Variants in TRPM3 observed in about 807,000 individuals in gnomAD.
TRPM3 encodes the protein transient receptor potential cation channel subfamily M member 3, also known as long transient receptor potential channel 3.
Under a neutral mutation model 181.2 loss-of-function variants are expected in TRPM3, and 77 were observed. The ratio of observed to expected loss-of-function variants is 0.42; its 90% CI spans 0.35 to 0.51. The LOEUF is 0.51. Among genes scored for constraint, TRPM3 ranks in the 20% least tolerant of loss-of-function variants. The pLI is 0.01. For synonymous variants in TRPM3, 745 were observed against 796.4 expected, an observed-to-expected ratio of 0.94 and a Z score of 1.09; for missense variants, 1,759 against 2,196.7, an observed-to-expected ratio of 0.80 and a Z score of 3.98.
intron 9 of TRPM3, among the ~76,000 whole-genome samples, chr9:70,669,395 A>T (rs1412583078): frequency 6.6e-6 from 1 of 152,222 alleles, no homozygotes; most frequent in East Asian, 1.9e-4. Flanking sequence ...ACTTAAGTCT[A>T]CATGTTACAG....
chr9:71,277,718 CT>C (rs2084335833), intron 1 of TRPM3, among the ~76,000 whole-genome samples: 1 of 152,148 alleles, frequency 6.6e-6, no homozygotes. Context: ...TTTGACTCTT[CT>C]CATGGCAATA....
chr9:70,536,389 G>A lies in TRPM3; in HGVS notation c.4724C>T (p.Ala1575Val), dbSNP rs778006412. The change falls in exon 26 of 26, where the codon GCG becomes GTG. Residue 1575 changes from alanine (A) to valine (V), a missense_variant. By Grantham distance (64) the Ala-to-Val change is moderately conservative. Around this residue, in one of 8 missense-constraint regions of TRPM3, gnomAD observed 612 missense variants for 590.0 expected, o/e 1.04. Coordinates refer to ENST00000677713, the MANE Select transcript of TRPM3 (RefSeq NM_001366145.2). ...TRCVNAPQAI[A>V]DRAAFPGGLG... is the part of the protein sequence containing the mutation. ...ACCTCCAGGGAAGGCAGCTCTGTCC[G>A]CAATTGCTTGAGGGGCATTGACACA... 6.8e-6 allele frequency: 11 copies of A among 1,614,072 alleles called. No individual in the cohort carries two copies. Among genetic ancestry groups the A allele is most frequent in the South Asian group, 3.3e-5 (3 of 91,078 alleles).
chr9:70,946,433 GTAATAATAATAA>G lies in TRPM3; in HGVS notation c.178-81934_178-81923del, dbSNP rs55711193. Reference sequence around the variant, plus strand: ...AATCAGTTTCCTCCTCTGTTAAATGGTAATAATAATAATAATAATAATAATAATAACAGCAGC... The same window carrying G: ...AATCAGTTTCCTCCTCTGTTAAATGGTAATAATAATAATAATAACAGCAGC... On this transcript the variant is annotated intron_variant, in intron 1 of 25. Coordinates refer to ENST00000677713, the MANE Select transcript of TRPM3 (RefSeq NM_001366145.2). Among the ~76,000 whole-genome samples, 72 of 144,690 alleles carry G rather than the reference GTAATAATAATAA, an allele frequency of 5.0e-4. 2 individuals are homozygous for G. In the South Asian group the frequency reaches 0.013, roughly 25 times the overall value. The allele number at this position is 144,690 out of a possible 152,430, so 94.9% of individuals were successfully genotyped here.
chr9:70,787,672 T>A (rs1211396276), intron 6 of TRPM3, among the ~76,000 whole-genome samples: 1 of 151,888 alleles, frequency 6.6e-6, no homozygotes, highest in Non-Finnish European at 1.5e-5. Flanking sequence ...GTGAATTTTA[T>A]GAAAGCTAGG....
chr9:70,826,232 T>C (rs2093550314), intron 6 of TRPM3: 1 of 152,180 alleles, frequency 6.6e-6, no homozygotes, highest in African/African-American at 2.4e-5. Flanking sequence ...ATTTGCCCAT[T>C]CTATCAAGTA....
chr9:70,656,628 A>G (rs866696835), intron 9 of TRPM3, among the ~76,000 whole-genome samples: 2 of 152,230 alleles, frequency 1.3e-5, no homozygotes, highest in South Asian at 2.1e-4. Context: ...ATTTTCATAA[A>G]TAATCTAGGT....
intron 9 of TRPM3, among the ~76,000 whole-genome samples, chr9:70,676,500 G>A (rs2064041610): frequency 6.6e-6 from 1 of 152,196 alleles, no homozygotes; most frequent in Non-Finnish European, 1.5e-5. Flanking sequence ...GCTGCTGAGA[G>A]AGCAGACTGA....
At chr9:71,310,130 A>C (rs1272251275) in intron 1 of TRPM3, among the ~76,000 whole-genome samples, 1 of 152,154 alleles carries the variant, frequency 6.6e-6, no homozygotes, top group Admixed American at 6.5e-5. Flanking sequence ...GAAACAAGTC[A>C]AAAGCACAGG....
At chr9:70,921,720 G>T (rs944465197) in intron 1 of TRPM3, among the ~76,000 whole-genome samples, 1 of 151,996 alleles carries the variant, frequency 6.6e-6, no homozygotes, top group Admixed American at 6.6e-5. Flanking sequence ...TCTCTCTCTG[G>T]TTCTTTTCTG....
At position 70,641,463 on chromosome 9, in the gene TRPM3, T is replaced by C. The variant is rs148003155; in HGVS notation, c.1346-803A>G. ...TCTGAAAAAGAGTTAGGAAGGTCTT[T>C]TAACAGAGAGGCAAACCAGCGGCTT... is the stretch of plus-strand genomic sequence containing the variant. On this transcript the variant is annotated intron_variant, in intron 9 of 25. Coordinates refer to ENST00000677713, the MANE Select transcript of TRPM3 (RefSeq NM_001366145.2). Among the ~76,000 whole-genome samples the C allele has an allele frequency of 4.1e-3, 632 of 152,290 alleles. 5 individuals are homozygous for C. The highest frequency in any genetic ancestry group is 0.015 in the African/African-American group (603 of 41,554).
At chr9:71,378,558 A>T (rs1178321966) in intron 1 of TRPM3, among the ~76,000 whole-genome samples, 1 of 152,080 alleles carries the variant, frequency 6.6e-6, no homozygotes, top group Non-Finnish European at 1.5e-5. Context: ...ACACCTAATA[A>T]ATCACAGACA....
intron 1 of TRPM3, among the ~76,000 whole-genome samples, chr9:71,168,041 T>C (rs954231312): frequency 6.6e-6 from 1 of 152,170 alleles, no homozygotes; most frequent in Non-Finnish European, 1.5e-5. Flanking sequence ...TTAGAGAGAA[T>C]ACAAAATGGC....
intron 1 of TRPM3, among the ~76,000 whole-genome samples, chr9:71,227,155 C>T (rs1385779048): frequency 1.4e-5 from 2 of 147,452 alleles, no homozygotes; most frequent in African/African-American, 2.5e-5. Flanking sequence ...CAAGTAACTT[C>T]TCTGACCATA....
chr9:71,149,183 G>A (rs116718915), intron 1 of TRPM3, among the ~76,000 whole-genome samples: 1,719 of 152,108 alleles, frequency 0.011, 26 homozygotes, highest in African/African-American at 0.033. Flanking sequence ...GAAGATCACC[G>A]TAGCCCAGGA....
chr9:70,578,776 G>A lies in TRPM3; in HGVS notation c.3223+12255C>T, dbSNP rs541188813. 5.9e-5 allele frequency among the ~76,000 whole-genome samples: 9 copies of A among 152,346 alleles called. No individual in the cohort carries two copies. The East Asian group carries it at 1.5e-3, about 26-fold the overall frequency. On this transcript the variant is annotated intron_variant, in intron 22 of 25. Transcript: ENST00000677713. Reference sequence around the variant, plus strand: ...TCATCTCTTTCAGAAGCAATCAGGAGTTGAATTTTGGGTTCTGATAGGCCA... The same window carrying A: ...TCATCTCTTTCAGAAGCAATCAGGAATTGAATTTTGGGTTCTGATAGGCCA...
In TRPM3 at chr9:70,863,123, AG is replaced by A. The variant is rs1297157067; in HGVS notation, c.258-12del. 1.9e-6 allele frequency: 3 copies of A among 1,610,644 alleles called. No homozygotes were observed. Among genetic ancestry groups the A allele is most frequent in the Non-Finnish European group, 2.5e-6 (3 of 1,177,838 alleles). On this transcript the variant is annotated splice_polypyrimidine_tract_variant and intron_variant, in intron 2 of 25. Coordinates refer to ENST00000677713, the MANE Select transcript of TRPM3 (RefSeq NM_001366145.2). ...CGCCCACAGCAACACCTATAACAGA[AG>A]AGGTTAAAGTGAACCCCTGGTATTA...
intron 1 of TRPM3, among the ~76,000 whole-genome samples, chr9:70,874,372 T>C (rs535047351): frequency 6.6e-6 from 1 of 151,942 alleles, no homozygotes; most frequent in African/African-American, 2.4e-5. Flanking sequence ...ATGGTAGATA[T>C]TATAAAATTC....
chr9:70,539,072 CAAAGT>C (rs1024851707), intron 25 of TRPM3, among the ~76,000 whole-genome samples: 1 of 152,172 alleles, frequency 6.6e-6, no homozygotes, highest in African/African-American at 2.4e-5. Flanking sequence ...TTCCAATATG[CAAAGT>C]AAATCATTTG....
intron 1 of TRPM3, among the ~76,000 whole-genome samples, chr9:71,398,456 G>A (rs947947064): frequency 1.3e-5 from 2 of 152,272 alleles, no homozygotes; most frequent in East Asian, 3.9e-4. Context: ...CCCAATGTTG[G>A]GGGAGGGACC....
Sources: gnomAD v4.1 joint callset for allele counts (sites outside exome capture counted in the v4.1 genomes callset) on GRCh38, gnomAD v4.1.1 for gene constraint, gnomAD v4.1.1 regional missense constraint, MANE v1.5 for transcripts, NCBI Gene and HGNC (gene_info 2026-07-23, HGNC 2026-07-21) for gene names.